The following PRDM5 variants were observed in gnomAD, a reference collection of about 807,000 sequenced individuals.
PRDM5 encodes the protein PR/SET domain 5.
Under a neutral mutation model 81.2 loss-of-function variants are expected in PRDM5, and 56 were observed. The observed-to-expected ratio is 0.69, with a 90% confidence interval of 0.56 to 0.86. The LOEUF (loss-of-function observed/expected upper bound fraction) is 0.86, where lower values mean the gene tolerates loss of function less well. Ranked by LOEUF, PRDM5 falls within the 40% of genes least tolerant of loss-of-function variation. The pLI is 0.00. For missense variants in PRDM5, 697 were observed against 770.1 expected, an observed-to-expected ratio of 0.91 and a Z score of 1.12; for synonymous variants, 267 against 256.4, an observed-to-expected ratio of 1.04 and a Z score of -0.39.
intron 1 of PRDM5, among the ~76,000 whole-genome samples, chr4:120,915,597 T>C (rs898954652): frequency 5.3e-5 from 8 of 152,160 alleles, no homozygotes; most frequent in Non-Finnish European, 1.0e-4. Context: ...CTTTAGCTAC[T>C]GAAGAAAAGC....
At chr4:120,802,570 T>G (rs1040591536) in intron 8 of PRDM5, among the ~76,000 whole-genome samples, 5 of 152,236 alleles carry the variant, frequency 3.3e-5, no homozygotes, top group African/African-American at 1.2e-4. Flanking sequence ...TTGTGCAGCC[T>G]CTGCTGCTGA....
In PRDM5 at chr4:120,811,439, C is replaced by G; in HGVS notation, c.876G>C (p.Lys292Asn). ...TGCACACTGAACATATAAGCTTTTT[C>G]TTAGGATCTCCTAAAATAGAAATAA... ...HQENVHTGDP[K>N]KKLICSVCNK... Residue 292 changes from lysine to asparagine, a missense_variant, in exon 8 of 16, where the codon AAG (lysine) becomes AAC (asparagine). Lys to Asn is a moderately conservative substitution (Grantham distance 94, BLOSUM62 0). Coordinates refer to ENST00000264808, the MANE Select transcript of PRDM5 (RefSeq NM_018699.4). 1.9e-6 allele frequency: 3 copies of G among 1,585,832 alleles called. No individual in the cohort carries two copies. Among genetic ancestry groups the G allele is most frequent in the Non-Finnish European group, 2.6e-6 (3 of 1,156,690 alleles).
chr4:120,725,396 C>A (rs9942297), intron 14 of PRDM5, among the ~76,000 whole-genome samples: 2 of 151,930 alleles, frequency 1.3e-5, no homozygotes, highest in Non-Finnish European at 2.9e-5. Flanking sequence ...ATACTTCACA[C>A]CTCTGCAAAA....
chr4:120,763,121 C>T (rs763032768), intron 13 of PRDM5, among the ~76,000 whole-genome samples: 2 of 151,888 alleles, frequency 1.3e-5, no homozygotes, highest in Non-Finnish European at 1.5e-5. Flanking sequence ...TTACAGTATC[C>T]CTCCCTCATT....
At chr4:120,917,358 A>C (rs150890152) in intron 1 of PRDM5, among the ~76,000 whole-genome samples, 136 of 152,284 alleles carry the variant, frequency 8.9e-4, no homozygotes, top group Non-Finnish European at 1.7e-3. Context: ...CCCATCTAAC[A>C]TGTATAGCAT....
intron 14 of PRDM5, among the ~76,000 whole-genome samples, chr4:120,722,310 G>C (rs1738741823): frequency 6.6e-6 from 1 of 152,124 alleles, no homozygotes; most frequent in African/African-American, 2.4e-5. Flanking sequence ...CAATCAGAGA[G>C]AGCAGAACAA....
chr4:120,713,319 C>T (rs1005027531), intron 14 of PRDM5, among the ~76,000 whole-genome samples: 1 of 152,058 alleles, frequency 6.6e-6, no homozygotes, highest in African/African-American at 2.4e-5. Flanking sequence ...AGCCTATATC[C>T]TTATGCATGG....
At chr4:120,803,977 C>T (rs983746975) in intron 8 of PRDM5, among the ~76,000 whole-genome samples, 16 of 152,068 alleles carry the variant, frequency 1.1e-4, no homozygotes, top group Admixed American at 3.3e-4. Context: ...TGCAGAGTCA[C>T]AAATAGGCTC....
downstream of PRDM5, among the ~76,000 whole-genome samples, chr4:120,688,792 A>G (rs1424186486): frequency 6.6e-6 from 1 of 151,958 alleles, no homozygotes; most frequent in East Asian, 1.9e-4. Context: ...ATGAAGGTTT[A>G]CTTCTATGCT....
At chr4:120,818,835 C>T (rs1278336172) in intron 4 of PRDM5, among the ~76,000 whole-genome samples, 2 of 152,090 alleles carry the variant, frequency 1.3e-5, no homozygotes, top group Non-Finnish European at 2.9e-5. Flanking sequence ...AAAACAAAAG[C>T]TATTCCTGAA....
intron 2 of PRDM5, among the ~76,000 whole-genome samples, chr4:120,857,625 T>C (rs1204770046): frequency 2.6e-5 from 4 of 152,160 alleles, no homozygotes; most frequent in Non-Finnish European, 5.9e-5. Context: ...ACATTGAATA[T>C]GTCATAGTTG....
chr4:120,739,486 T>TA (rs1374185435), intron 14 of PRDM5, among the ~76,000 whole-genome samples: 6 of 152,136 alleles, frequency 3.9e-5, no homozygotes, highest in Non-Finnish European at 8.8e-5. Context: ...AGATACCATT[T>TA]AAAAAACTGT....
chr4:120,734,785 C>T (rs1258272255), intron 14 of PRDM5, among the ~76,000 whole-genome samples: 1 of 152,200 alleles, frequency 6.6e-6, no homozygotes, highest in Non-Finnish European at 1.5e-5. Context: ...ACTAAACGCT[C>T]CTCTGTTTCT....
At chr4:120,780,537 T>C (rs1014667185) in intron 12 of PRDM5, among the ~76,000 whole-genome samples, 1 of 152,156 alleles carries the variant, frequency 6.6e-6, no homozygotes, top group Non-Finnish European at 1.5e-5. Context: ...AAACGCATTA[T>C]TGAGCACGTA....
chr4:120,706,758 T>TTATATATATA (rs10608924), intron 15 of PRDM5, among the ~76,000 whole-genome samples: 1 of 143,982 alleles, frequency 6.9e-6, no homozygotes, highest in African/African-American at 2.5e-5. Context: ...TATATAAATT[T>TTATATATATA]TATATATATA....
intron 14 of PRDM5, among the ~76,000 whole-genome samples, chr4:120,726,711 C>G (rs1256748131): frequency 6.6e-6 from 1 of 152,198 alleles, no homozygotes; most frequent in Non-Finnish European, 1.5e-5. Context: ...TGTCCACAAA[C>G]AATCTCCAAA....
intron 14 of PRDM5, among the ~76,000 whole-genome samples, chr4:120,712,179 G>T (rs1004076769): frequency 6.6e-6 from 1 of 152,028 alleles, no homozygotes; most frequent in Non-Finnish European, 1.5e-5. Flanking sequence ...CCAGCTACTC[G>T]GGAGGCTGAG....
intron 1 of PRDM5, among the ~76,000 whole-genome samples, chr4:120,908,426 G>GA (rs750797511): frequency 6.6e-6 from 1 of 151,992 alleles, no homozygotes; most frequent in Admixed American, 6.6e-5. Context: ...GGTGATGCAA[G>GA]AAAAAAACCA....
chr4:120,738,948 T>C (rs1741508708), intron 14 of PRDM5, among the ~76,000 whole-genome samples: 1 of 152,240 alleles, frequency 6.6e-6, no homozygotes, highest in African/African-American at 2.4e-5. Flanking sequence ...CATGGTTTTG[T>C]GGATTGACTG....
Sources: gnomAD v4.1 joint callset for allele counts (sites outside exome capture counted in the v4.1 genomes callset) on GRCh38, gnomAD v4.1.1 for gene constraint, MANE v1.5 for transcripts, NCBI Gene and HGNC (gene_info 2026-07-23, HGNC 2026-07-21) for gene names.